The following TNFRSF21 variants were observed in gnomAD, a reference collection of about 807,000 sequenced individuals.
TNFRSF21 encodes tumor necrosis factor receptor superfamily member 21.
Under a neutral mutation model 45.6 loss-of-function variants are expected in TNFRSF21, and 19 were observed. That is an observed-to-expected ratio of 0.42 (90% CI 0.29 to 0.61). TNFRSF21 has a LOEUF of 0.61. Ranked by LOEUF, TNFRSF21 falls within the 20% of genes least tolerant of loss-of-function variation. The pLI, the probability that TNFRSF21 is intolerant of heterozygous loss-of-function variation, is 0.23. For synonymous variants in TNFRSF21, 314 were observed against 335.5 expected (o/e 0.94, Z 0.70); for missense variants, 737 against 851.5 (o/e 0.87, Z 1.67).
Position 47,285,976 on chromosome 6 carries a change from T to A in TNFRSF21, c.716A>T (p.His239Leu). The A allele has an allele frequency of 6.2e-7, 1 of 1,614,152 alleles. No homozygotes were observed. Among genetic ancestry groups the A allele is most frequent in the Non-Finnish European group, 8.5e-7 (1 of 1,180,020 alleles). Residue 239 changes from histidine (H) to leucine (L), a missense_variant, in exon 2 of 6, where the codon CAT becomes CTT. Transcript: ENST00000296861. The part of the protein sequence containing the change: ...IFPRPEHMET[H>L]EVPSSTYVPK... Reference sequence around the variant, plus strand: ...AACATAAGTGGAGGAAGGGACTTCATGGGTTTCCATGTGCTCAGGGCGTGG... The same window carrying A: ...AACATAAGTGGAGGAAGGGACTTCAAGGGTTTCCATGTGCTCAGGGCGTGG...
intron 3 of TNFRSF21, among the ~76,000 whole-genome samples, chr6:47,256,887 A>G (rs1426088734): frequency 3.3e-5 from 5 of 152,172 alleles, no homozygotes; most frequent in Non-Finnish European, 7.3e-5. Context: ...GGTAAGTAGG[A>G]CCATTGCTTA....
chr6:47,245,451 TG>T (rs1277828628), intron 4 of TNFRSF21, among the ~76,000 whole-genome samples: 163 of 129,010 alleles, frequency 1.3e-3, no homozygotes, highest in Non-Finnish European at 1.8e-3. Context: ...TGTGTGTGTG[TG>T]TGTGTTTGTG....
intron 3 of TNFRSF21, among the ~76,000 whole-genome samples, chr6:47,255,421 C>T (rs147779794): frequency 1.6e-4 from 25 of 151,846 alleles, no homozygotes; most frequent in Admixed American, 7.2e-4. Flanking sequence ...TTTACTACAA[C>T]GGGTGAGTGA....
chr6:47,273,470 G>GTAT (rs1762455808), intron 3 of TNFRSF21, among the ~76,000 whole-genome samples: 2 of 152,118 alleles, frequency 1.3e-5, no homozygotes, highest in African/African-American at 4.8e-5. Context: ...AGCGCTTCAT[G>GTAT]CTAAAAAATC....
rs1366339771 is a variant in TNFRSF21, at chr6:47,246,438, G to C, written c.1509+6818C>G. 2.0e-5 allele frequency among the ~76,000 whole-genome samples: 3 copies of C among 152,182 alleles called. No individual in the cohort carries two copies. The East Asian group carries it at 5.8e-4, about 29-fold the overall frequency. On this transcript the variant is annotated intron_variant, in intron 4 of 5. Transcript: ENST00000296861. ...AAAGCACTTACAAAGCTTGGAGACT[G>C]TATAGGACTTGCCCAAGGTCACATA...
chr6:47,294,512 T>C (rs1762770065), intron 1 of TNFRSF21, among the ~76,000 whole-genome samples: 1 of 152,198 alleles, frequency 6.6e-6, no homozygotes, highest in Admixed American at 6.5e-5. Context: ...ACTCAAGAGA[T>C]AAAGCAGTCT....
intron 3 of TNFRSF21, among the ~76,000 whole-genome samples, chr6:47,275,774 C>A (rs1762487982): frequency 6.6e-6 from 1 of 152,174 alleles, no homozygotes; most frequent in Non-Finnish European, 1.5e-5. Context: ...CACTAACCTG[C>A]CCTCACACGT....
chr6:47,238,163 A>T (rs185037950), intron 4 of TNFRSF21, among the ~76,000 whole-genome samples: 17 of 152,370 alleles, frequency 1.1e-4, no homozygotes, highest in Non-Finnish European at 1.8e-4. Flanking sequence ...CTACCTTGAA[A>T]ATGTTGTGGC....
In TNFRSF21 at chr6:47,234,797, C is replaced by T. The variant is rs774299943; in HGVS notation, c.1611G>A (p.Thr537=). The T allele has an allele frequency of 3.8e-6, 6 of 1,583,566 alleles. No individual in the cohort carries two copies. Among genetic ancestry groups the T allele is most frequent in the East Asian group, 2.3e-5 (1 of 42,702 alleles). The change falls in exon 5 of 6, where the codon ACG becomes ACA. Residue 537 remains threonine, a synonymous_variant. Transcript: ENST00000296861. ...NAKLENSALL[T]VEPSPQDKNK... ...TCTTGTCCTGTGGGGAAGGCTCCACCGTCAGGAGAGCGGAATTCTCAAGTT... is the reference window on the plus strand; with the variant it reads ...TCTTGTCCTGTGGGGAAGGCTCCACTGTCAGGAGAGCGGAATTCTCAAGTT...
chr6:47,253,032 A>G (rs1448489750), intron 4 of TNFRSF21, among the ~76,000 whole-genome samples: 1 of 150,940 alleles, frequency 6.6e-6, no homozygotes, highest in Non-Finnish European at 1.5e-5. Context: ...TCTGAGCATC[A>G]GTATTTTTTT....
At chr6:47,257,675 A>G (rs1219448819) in intron 3 of TNFRSF21, among the ~76,000 whole-genome samples, 1 of 152,234 alleles carries the variant, frequency 6.6e-6, no homozygotes, top group Non-Finnish European at 1.5e-5. Context: ...AAAGGTATTC[A>G]TAAAGTTCTG....
At chr6:47,244,132 T>C (rs1022387320) in intron 4 of TNFRSF21, among the ~76,000 whole-genome samples, 2 of 152,034 alleles carry the variant, frequency 1.3e-5, no homozygotes, top group Non-Finnish European at 1.5e-5. Context: ...CCATCCTGGC[T>C]AACACGGTGA....
chr6:47,284,000 A>C lies in TNFRSF21; in HGVS notation c.1181T>G (p.Leu394Arg), dbSNP rs1270662052. The C allele has an allele frequency of 1.2e-6, 2 of 1,614,218 alleles. No homozygotes were observed. Among genetic ancestry groups the C allele is most frequent in the Non-Finnish European group, 1.7e-6 (2 of 1,180,042 alleles). Residue 394 changes from leucine to arginine, a missense_variant, in exon 3 of 6, where the codon CTG (leucine) becomes CGG (arginine). Transcript: ENST00000296861. ...DPSAIVEKAG[L>R]KKSMTPTQNR... ...CTGGGTTGGAGTCATGGATTTCTTC[A>C]GCCCTGCCTTTTCCACAATGGCACT...
chr6:47,238,132 G>A (rs60241816), intron 4 of TNFRSF21, among the ~76,000 whole-genome samples: 10,152 of 152,298 alleles, frequency 0.067, 376 homozygotes, highest in South Asian at 0.14. Flanking sequence ...AGTCACTACC[G>A]ATAAGTATAT....
chr6:47,234,935 A>C (rs1216144751), intron 4 of TNFRSF21, 37 bp from the exon 5 acceptor site: 5 of 1,177,498 alleles, frequency 4.2e-6, no homozygotes, highest in Admixed American at 4.1e-5. Context: ...TATATATAGA[A>C]AAAAAAACAG....
At chr6:47,302,846 C>G (rs939974802) in intron 1 of TNFRSF21, among the ~76,000 whole-genome samples, 2 of 152,200 alleles carry the variant, frequency 1.3e-5, no homozygotes, top group African/African-American at 4.8e-5. Flanking sequence ...AACCCTCTCT[C>G]CAGCAGTTGC....
At chr6:47,285,868 T>C (rs1030683844) in intron 2 of TNFRSF21, 76 bp downstream of exon 2, 9 of 1,474,596 alleles carry the variant, frequency 6.1e-6, no homozygotes, top group Non-Finnish European at 8.3e-6. Context: ...AAAACATCTT[T>C]GGTATAAGCC....
chr6:47,304,764 T>C (rs113877172), intron 1 of TNFRSF21, among the ~76,000 whole-genome samples: 11 of 152,348 alleles, frequency 7.2e-5, no homozygotes, highest in African/African-American at 2.2e-4. Context: ...ATTTTTTTTA[T>C]TGCTGATTTG....
intron 3 of TNFRSF21, among the ~76,000 whole-genome samples, chr6:47,275,642 TTAAAGTG>T (rs1327600438): frequency 6.7e-6 from 1 of 148,678 alleles, no homozygotes; most frequent in Non-Finnish European, 1.5e-5. Context: ...ACCCTAGTGC[TTAAAGTG>T]TAATTTTAAA....
Sources: gnomAD v4.1 joint callset for allele counts (sites outside exome capture counted in the v4.1 genomes callset) on GRCh38, gnomAD v4.1.1 for gene constraint, MANE v1.5 for transcripts, NCBI Gene and HGNC (gene_info 2026-07-23, HGNC 2026-07-21) for gene names.